The following NDST3 variants were observed in gnomAD, a reference collection of about 807,000 sequenced individuals.
The protein encoded by NDST3 is N-deacetylase and N-sulfotransferase 3.
NDST3 carries 58 observed loss-of-function variants against 96.1 expected under a neutral mutation model. That is an observed-to-expected ratio of 0.60 (90% CI 0.49 to 0.75). The LOEUF (loss-of-function observed/expected upper bound fraction) is 0.75. Among genes scored for constraint, NDST3 ranks in the 30% least tolerant of loss-of-function variants. The pLI is 0.00. For synonymous variants in NDST3, 333 were observed against 359.7 expected (o/e 0.93, Z 0.84); for missense variants, 788 against 1,034.2 (o/e 0.76, Z 3.27).
At chr4:118,242,974 T>A (rs1427063589) in intron 12 of NDST3, among the ~76,000 whole-genome samples, 1 of 152,178 alleles carries the variant, frequency 6.6e-6, no homozygotes, top group Non-Finnish European at 1.5e-5. Context: ...TGCGTCCATT[T>A]AGAATAGTTG....
intron 8 of NDST3, among the ~76,000 whole-genome samples, chr4:118,232,558 C>T (rs930642377): frequency 6.6e-6 from 1 of 151,228 alleles, no homozygotes; most frequent in African/African-American, 2.4e-5. Flanking sequence ...GAGGATCCCA[C>T]GAGCCTGGTG....
At chr4:118,127,308 A>C (rs972515875) in intron 4 of NDST3, among the ~76,000 whole-genome samples, 5 of 151,946 alleles carry the variant, frequency 3.3e-5, no homozygotes, top group Admixed American at 2.0e-4. Context: ...GTTTTCTTAT[A>C]GTAGTTTCAT....
chr4:118,187,380 G>A (rs1286680516), intron 6 of NDST3, among the ~76,000 whole-genome samples: 1 of 152,186 alleles, frequency 6.6e-6, no homozygotes, highest in East Asian at 1.9e-4. Flanking sequence ...ACCACAGAAA[G>A]AGCGATCTAA....
intron 2 of NDST3, among the ~76,000 whole-genome samples, chr4:118,063,280 CAAT>C (rs1461555515): frequency 6.7e-6 from 1 of 150,024 alleles, no homozygotes; most frequent in Non-Finnish European, 1.5e-5. Context: ...CTCAACCAGA[CAAT>C]GATGAGTTCT....
intron 3 of NDST3, among the ~76,000 whole-genome samples, chr4:118,113,299 T>A (rs1466823679): frequency 6.6e-6 from 1 of 152,144 alleles, no homozygotes. Flanking sequence ...TAAGTGTATA[T>A]GAAGAAGAAA....
At chr4:118,097,717 C>T (rs1424389967) in intron 2 of NDST3, among the ~76,000 whole-genome samples, 1 of 151,670 alleles carries the variant, frequency 6.6e-6, no homozygotes, top group African/African-American at 2.4e-5. Flanking sequence ...TTACTTTTTC[C>T]AATTTGAATT....
intron 6 of NDST3, among the ~76,000 whole-genome samples, chr4:118,200,724 T>G (rs1738020604): frequency 6.6e-6 from 1 of 152,244 alleles, no homozygotes; most frequent in South Asian, 2.1e-4. Flanking sequence ...CTTTAGAAGC[T>G]TCTGCATATC....
intron 6 of NDST3, among the ~76,000 whole-genome samples, chr4:118,215,074 T>A (rs529871283): frequency 8.5e-5 from 13 of 152,194 alleles, no homozygotes; most frequent in African/African-American, 2.9e-4. Flanking sequence ...TAAAGTGAGA[T>A]GGCTATGGCA....
intron 4 of NDST3, among the ~76,000 whole-genome samples, chr4:118,119,406 G>A (rs2125871729): frequency 6.6e-6 from 1 of 152,202 alleles, no homozygotes; most frequent in South Asian, 2.1e-4. Context: ...TTTCAGTGAT[G>A]CACTTTATAA....
chr4:118,221,082 T>G (rs1197499949), intron 6 of NDST3, among the ~76,000 whole-genome samples: 1 of 151,976 alleles, frequency 6.6e-6, no homozygotes, highest in Non-Finnish European at 1.5e-5. Context: ...AATCAGAATC[T>G]CTGAGTATAA....
intron 5 of NDST3, among the ~76,000 whole-genome samples, chr4:118,142,105 T>C (rs554988546): frequency 6.6e-6 from 1 of 152,270 alleles, no homozygotes; most frequent in South Asian, 2.1e-4. Context: ...TCCATTAGAA[T>C]GCATTTGCAT....
intron 6 of NDST3, among the ~76,000 whole-genome samples, chr4:118,188,403 T>C (rs1175311012): frequency 6.6e-6 from 1 of 151,410 alleles, no homozygotes; most frequent in African/African-American, 2.4e-5. Context: ...ATGAAAACTT[T>C]AAAGACTCAG....
At chr4:118,135,945 A>C (rs1248692991) in intron 4 of NDST3, among the ~76,000 whole-genome samples, 1 of 152,128 alleles carries the variant, frequency 6.6e-6, no homozygotes, top group African/African-American at 2.4e-5. Context: ...AAAAGTAAAA[A>C]CTGTATATAC....
chr4:118,228,910 T>G (rs1484759415), intron 8 of NDST3, among the ~76,000 whole-genome samples: 1 of 152,238 alleles, frequency 6.6e-6, no homozygotes, highest in African/African-American at 2.4e-5. Flanking sequence ...GCTGTATATA[T>G]CCATATTTTG....
At chr4:118,200,971 C>T (rs755711689) in intron 6 of NDST3, among the ~76,000 whole-genome samples, 7 of 152,018 alleles carry the variant, frequency 4.6e-5, no homozygotes, top group African/African-American at 7.2e-5. Flanking sequence ...CAGTGTCTAT[C>T]GTTCTAATAT....
At chr4:118,212,359 C>G (rs189544120) in intron 6 of NDST3, among the ~76,000 whole-genome samples, 1 of 151,936 alleles carries the variant, frequency 6.6e-6, no homozygotes, top group East Asian at 1.9e-4. Flanking sequence ...AGCAACATGG[C>G]GAAACCCCAT....
chr4:118,140,089 A>C (rs552412005), intron 5 of NDST3, among the ~76,000 whole-genome samples: 1 of 151,958 alleles, frequency 6.6e-6, no homozygotes, highest in African/African-American at 2.4e-5. Context: ...TGGACTGTCT[A>C]CCTTTCTATT....
intron 6 of NDST3, among the ~76,000 whole-genome samples, chr4:118,198,772 T>G (rs529291167): frequency 7.9e-4 from 120 of 151,746 alleles, no homozygotes; most frequent in African/African-American, 2.7e-3. Context: ...ACTTTTTTTT[T>G]GTCTAGGAAA....
intron 2 of NDST3, among the ~76,000 whole-genome samples, chr4:118,091,570 T>C (rs1428409943): frequency 6.6e-6 from 1 of 151,674 alleles, no homozygotes; most frequent in Admixed American, 6.6e-5. Flanking sequence ...TCATGAGTAA[T>C]GTGATGCATC....
Sources: allele counts gnomAD v4.1 joint callset (sites outside exome capture counted in the v4.1 genomes callset), GRCh38; gene constraint gnomAD v4.1.1; transcripts MANE v1.5; gene names NCBI Gene and HGNC (gene_info 2026-07-23, HGNC 2026-07-21).